Variants in FREM1 observed in about 807,000 individuals in gnomAD.
FREM1 encodes the protein FRAS1-related extracellular matrix protein 1.
A neutral mutation model predicts 210.1 loss-of-function variants in FREM1; 220 were observed. The observed-to-expected ratio is 1.05, with a 90% CI of 0.94 to 1.17. The LOEUF (loss-of-function observed/expected upper bound fraction) is 1.17, where lower values mean the gene tolerates loss of function less well. Ranked by LOEUF, FREM1 falls within the 50% of genes most tolerant of loss-of-function variation. FREM1 has a pLI of 0.00. For missense variants in FREM1, 3,454 were observed against 2,675.5 expected, an observed-to-expected ratio of 1.29 and a Z score of -6.42; for synonymous variants, 1,189 against 980.2, an observed-to-expected ratio of 1.21 and a Z score of -3.98.
intron 1 of FREM1, among the ~76,000 whole-genome samples, chr9:14,892,815 C>G (rs1033778590): frequency 2.0e-5 from 3 of 152,176 alleles, no homozygotes; most frequent in African/African-American, 7.2e-5. Flanking sequence ...ACCTTCCCCA[C>G]TCTGCCCCAG....
At chr9:14,827,916 G>C (rs1454190114) in intron 10 of FREM1, among the ~76,000 whole-genome samples, 1 of 152,220 alleles carries the variant, frequency 6.6e-6, no homozygotes, top group African/African-American at 2.4e-5. Context: ...CAAGAAGTAG[G>C]CCTTGGCACA....
chr9:14,765,283 T>C (rs1846191430), intron 27 of FREM1, among the ~76,000 whole-genome samples: 1 of 152,166 alleles, frequency 6.6e-6, no homozygotes, highest in Non-Finnish European at 1.5e-5. Flanking sequence ...GGGGAAACAG[T>C]GTTTAGCCAA....
intron 5 of FREM1, among the ~76,000 whole-genome samples, chr9:14,856,438 G>C (rs964823723): frequency 6.6e-6 from 1 of 152,044 alleles, no homozygotes; most frequent in Non-Finnish European, 1.5e-5. Flanking sequence ...ATGATTCCTT[G>C]TCATATCAAT....
intron 1 of FREM1, among the ~76,000 whole-genome samples, chr9:14,875,597 T>C (rs1057194184): frequency 1.3e-5 from 2 of 152,224 alleles, no homozygotes; most frequent in African/African-American, 2.4e-5. Context: ...TTAAAGTTTT[T>C]AACTTCTTTG....
intron 9 of FREM1, 75 bp downstream of exon 9, chr9:14,842,241 C>G: frequency 1.1e-6 from 1 of 926,364 alleles, no homozygotes. Context: ...TTTCAGCAAA[C>G]CCAGAAGGAT....
At chr9:14,863,773 T>C (rs747094563) in intron 3 of FREM1, 36 bp downstream of exon 3, 9 of 1,287,212 alleles carry the variant, frequency 7.0e-6, no homozygotes, top group East Asian at 2.3e-5. Flanking sequence ...GAATGGTTAC[T>C]TGGCAGCAAA....
At chr9:14,848,823 A>G in intron 6 of FREM1, 50 bp from the exon 7 acceptor site, 2 of 1,131,230 alleles carry the variant, frequency 1.8e-6, no homozygotes, top group East Asian at 2.4e-5. Flanking sequence ...GTTACAGGGT[A>G]AAGTAGCATT....
Position 14,750,136 on chromosome 9 carries a change from A to G in FREM1, c.5548T>C (p.Ser1850Pro). The G allele has an allele frequency of 6.2e-7, 1 of 1,613,760 alleles. No individual in the cohort carries two copies. The highest frequency in any genetic ancestry group is 1.7e-4 in the Middle Eastern group (1 of 6,060). ...KTKAAVKILD[S>P]KGGQCHPSYS... The stretch of plus-strand genomic sequence containing the variant: ...AGGATCAAAAGAATACCTCCTTTTG[A>G]GTCCAAAATTTTCACTGCAGCTTTT... Residue 1850 changes from serine to proline, a missense_variant, in exon 30 of 37, where the codon TCA (serine) becomes CCA (proline). Ser to Pro is a moderately conservative substitution (Grantham distance 74). Coordinates refer to ENST00000380880, the MANE Select transcript of FREM1 (RefSeq NM_001379081.2).
chr9:14,746,556 T>C, intron 34 of FREM1, 88 bp from the exon 35 acceptor site: 1 of 987,152 alleles, frequency 1.0e-6, no homozygotes, highest in Non-Finnish European at 1.6e-6. Context: ...GTTCCCTAAC[T>C]TCAGTCAAGT....
intron 27 of FREM1, among the ~76,000 whole-genome samples, chr9:14,765,744 G>T (rs1846276026): frequency 6.6e-6 from 1 of 152,184 alleles, no homozygotes; most frequent in South Asian, 2.1e-4. Context: ...AGAACAGTTA[G>T]AATGTGAGTT....
At chr9:14,838,203 C>T (rs1194062947) in intron 10 of FREM1, among the ~76,000 whole-genome samples, 1 of 152,152 alleles carries the variant, frequency 6.6e-6, no homozygotes, top group Non-Finnish European at 1.5e-5. Flanking sequence ...ACAAAATTGG[C>T]ATTGCTCATC....
At chr9:14,819,981 C>G (rs1388953442) in intron 13 of FREM1, among the ~76,000 whole-genome samples, 1 of 152,076 alleles carries the variant, frequency 6.6e-6, no homozygotes, top group African/African-American at 2.4e-5. Context: ...TTGAAGATTC[C>G]AGAGGAAATA....
intron 3 of FREM1, among the ~76,000 whole-genome samples, chr9:14,861,240 C>CATATATACACATAT (rs1397237844): frequency 1.8e-5 from 1 of 54,326 alleles, no homozygotes; most frequent in Admixed American, 1.9e-4. Context: ...CACATATATA[C>CATATATACACATAT]ACACATATAT....
At chr9:14,853,743 G>T (rs1170922411) in intron 5 of FREM1, among the ~76,000 whole-genome samples, 1 of 152,182 alleles carries the variant, frequency 6.6e-6, no homozygotes. Flanking sequence ...GTTGATGAAG[G>T]CAGGTGAACG....
chr9:14,882,946 C>G (rs1465937224), intron 1 of FREM1, among the ~76,000 whole-genome samples: 1 of 119,432 alleles, frequency 8.4e-6, no homozygotes. Flanking sequence ...CCCATCTTGC[C>G]TCCAAAGTTC....
At chr9:14,850,091 G>C (rs12006348) in intron 6 of FREM1, among the ~76,000 whole-genome samples, 12,057 of 152,202 alleles carry the variant, frequency 0.079, 665 homozygotes, top group African/African-American at 0.15. Context: ...CTGAGCTCAA[G>C]TCTCTATCAG....
chr9:14,887,815 C>T (rs781108319), intron 1 of FREM1, among the ~76,000 whole-genome samples: 10 of 152,086 alleles, frequency 6.6e-5, no homozygotes, highest in Admixed American at 2.6e-4. Flanking sequence ...TAATTTCATA[C>T]ATAAATATAC....
intron 7 of FREM1, among the ~76,000 whole-genome samples, chr9:14,847,420 G>GGAAA (rs1826868399): frequency 2.1e-5 from 2 of 94,736 alleles, no homozygotes; most frequent in African/African-American, 3.9e-5. Flanking sequence ...AAGGAAGGAA[G>GGAAA]GAAGGAAGGG....
chr9:14,781,507 C>A (rs1849638202), intron 24 of FREM1, among the ~76,000 whole-genome samples: 2 of 152,186 alleles, frequency 1.3e-5, no homozygotes, highest in Admixed American at 6.5e-5. Context: ...AAAAGGAAAC[C>A]TTTTAACTAC....
Sources: gnomAD v4.1 joint callset for allele counts (sites outside exome capture counted in the v4.1 genomes callset) on GRCh38, gnomAD v4.1.1 for gene constraint, MANE v1.5 for transcripts, NCBI Gene and HGNC (gene_info 2026-07-23, HGNC 2026-07-21) for gene names.